PCDH9: variants seen among roughly 807,000 people sequenced by gnomAD.
PCDH9 encodes protocadherin 9, also known as protocadherin-9.
PCDH9 carries 24 observed loss-of-function variants against 70.6 expected under a neutral mutation model. The observed-to-expected ratio is 0.34, with a 90% confidence interval of 0.25 to 0.48. The LOEUF is 0.48. Ranked by LOEUF, PCDH9 falls within the 20% of genes least tolerant of loss-of-function variation. PCDH9 has a pLI of 0.99. For missense variants in PCDH9, 1,281 were observed against 1,503.6 expected (o/e 0.85, Z 2.45); for synonymous variants, 562 against 558.5 (o/e 1.01, Z -0.09).
chr13:67,105,646 G>A (rs946903106), intron 2 of PCDH9, among the ~76,000 whole-genome samples: 2 of 151,928 alleles, frequency 1.3e-5, no homozygotes, highest in African/African-American at 4.8e-5. Flanking sequence ...ACACTTTTGT[G>A]TGTTTTTTGT....
At chr13:66,822,885 T>A (rs1338647923) in intron 3 of PCDH9, among the ~76,000 whole-genome samples, 1 of 152,112 alleles carries the variant, frequency 6.6e-6, no homozygotes, top group Non-Finnish European at 1.5e-5. Context: ...ATAAAAACAA[T>A]TGAATTTTCT....
chr13:66,595,493 CTG>C (rs2077092040), intron 4 of PCDH9, among the ~76,000 whole-genome samples: 1 of 151,656 alleles, frequency 6.6e-6, no homozygotes, highest in Non-Finnish European at 1.5e-5. Flanking sequence ...AGATTTCTTT[CTG>C]TGTTTGCAGT....
At chr13:66,922,519 A>G (rs2082653094) in intron 2 of PCDH9, among the ~76,000 whole-genome samples, 1 of 151,434 alleles carries the variant, frequency 6.6e-6, no homozygotes, top group Non-Finnish European at 1.5e-5. Context: ...GAGTAAAGTA[A>G]TAGGACAAAC....
chr13:67,086,007 C>A (rs1221644678), intron 2 of PCDH9, among the ~76,000 whole-genome samples: 1 of 152,024 alleles, frequency 6.6e-6, no homozygotes, highest in Non-Finnish European at 1.5e-5. Context: ...AGTTTTCTCC[C>A]TAATCATGTT....
intron 4 of PCDH9, among the ~76,000 whole-genome samples, chr13:66,344,466 T>A (rs1405886431): frequency 2.6e-5 from 4 of 152,132 alleles, no homozygotes; most frequent in Non-Finnish European, 5.9e-5. Context: ...GTGGTCCAAA[T>A]GCACATTGAC....
chr13:66,601,477 T>C (rs759072138), intron 4 of PCDH9, among the ~76,000 whole-genome samples: 1 of 146,260 alleles, frequency 6.8e-6, no homozygotes, highest in East Asian at 1.9e-4. Flanking sequence ...ACTGAGTAAA[T>C]GAAATTGACT....
chr13:67,001,122 G>A (rs1351088022), intron 2 of PCDH9, among the ~76,000 whole-genome samples: 3 of 152,158 alleles, frequency 2.0e-5, no homozygotes, highest in Non-Finnish European at 4.4e-5. Context: ...ACAGAAGTAA[G>A]TGTGTCTGAT....
intron 2 of PCDH9, among the ~76,000 whole-genome samples, chr13:67,059,883 T>TTG (rs1195872659): frequency 1.8e-4 from 1 of 5,668 alleles, no homozygotes; most frequent in African/African-American, 3.5e-4. Context: ...TTGTTTTTTG[T>TTG]TGTTTTTTTT....
At chr13:67,205,149 T>C (rs1359995189) in intron 2 of PCDH9, 1 of 152,196 alleles carries the variant, frequency 6.6e-6, no homozygotes, top group East Asian at 1.9e-4. Flanking sequence ...TGTCTTTGAG[T>C]TCATGTCTAA....
intron 4 of PCDH9, among the ~76,000 whole-genome samples, chr13:66,462,782 A>C (rs911417553): frequency 6.6e-6 from 1 of 151,888 alleles, no homozygotes; most frequent in South Asian, 2.1e-4. Context: ...CCTGCAGGTC[A>C]GTCCCCAAAG....
chr13:67,049,518 G>A (rs1386971247), intron 2 of PCDH9, among the ~76,000 whole-genome samples: 1 of 152,154 alleles, frequency 6.6e-6, no homozygotes, highest in African/African-American at 2.4e-5. Flanking sequence ...ATTGTTGGTG[G>A]AGCATAAGCC....
chr13:66,871,834 C>T (rs1397718430), intron 3 of PCDH9, among the ~76,000 whole-genome samples: 3 of 152,054 alleles, frequency 2.0e-5, no homozygotes, highest in Admixed American at 6.6e-5. Flanking sequence ...TTACCACCCC[C>T]CCCTCAACAT....
At chr13:66,355,442 G>A (rs1443574664) in intron 4 of PCDH9, among the ~76,000 whole-genome samples, 1 of 151,948 alleles carries the variant, frequency 6.6e-6, no homozygotes, top group African/African-American at 2.4e-5. Flanking sequence ...TTAGTGTCAT[G>A]TCTTTTGTTT....
chr13:66,744,081 A>T (rs2079317902), intron 3 of PCDH9, among the ~76,000 whole-genome samples: 1 of 152,196 alleles, frequency 6.6e-6, no homozygotes, highest in African/African-American at 2.4e-5. Context: ...TGCTATTTAA[A>T]ATCTTCTCGC....
At chr13:67,141,690 C>T (rs999501586) in intron 2 of PCDH9, among the ~76,000 whole-genome samples, 6 of 151,614 alleles carry the variant, frequency 4.0e-5, no homozygotes, top group African/African-American at 7.3e-5. Context: ...CCACCCGCCT[C>T]GGCCTCCCAA....
intron 2 of PCDH9, among the ~76,000 whole-genome samples, chr13:67,131,856 C>T (rs772280036): frequency 1.3e-4 from 20 of 152,128 alleles, no homozygotes; most frequent in Non-Finnish European, 2.2e-4. Flanking sequence ...TTTATGTATA[C>T]AATTTCAGTT....
At chr13:66,309,684 T>C (rs1955529030) in intron 4 of PCDH9, among the ~76,000 whole-genome samples, 1 of 151,890 alleles carries the variant, frequency 6.6e-6, no homozygotes, top group Non-Finnish European at 1.5e-5. Flanking sequence ...ATTATATTAA[T>C]TGATGAATAA....
intron 2 of PCDH9, among the ~76,000 whole-genome samples, chr13:66,968,257 T>C (rs2083462338): frequency 1.3e-5 from 2 of 152,100 alleles, no homozygotes; most frequent in Non-Finnish European, 2.9e-5. Flanking sequence ...CTTCTAATTT[T>C]GCAATGTCTC....
intron 4 of PCDH9, among the ~76,000 whole-genome samples, chr13:66,416,415 C>A (rs558726002): frequency 4.5e-4 from 68 of 152,078 alleles, no homozygotes; most frequent in Admixed American, 2.8e-3. Context: ...AACAGCCGAC[C>A]ATATGGGCAG....
Sources: gnomAD v4.1 joint callset for allele counts (sites outside exome capture counted in the v4.1 genomes callset) on GRCh38, gnomAD v4.1.1 for gene constraint, MANE v1.5 for transcripts, NCBI Gene and HGNC (gene_info 2026-07-23, HGNC 2026-07-21) for gene names.